QTRT2: variants seen among roughly 807,000 people sequenced by gnomAD.
The protein encoded by QTRT2 is queuine tRNA-ribosyltransferase accessory subunit 2.
Under a neutral mutation model 44.8 loss-of-function variants are expected in QTRT2, and 32 were observed. That is an observed-to-expected ratio of 0.71 (90% CI 0.54 to 0.96). QTRT2 has a LOEUF of 0.96. Among genes scored for constraint, QTRT2 ranks in the 40% least tolerant of loss-of-function variants. QTRT2 has a pLI of 0.00. For synonymous variants in QTRT2, 182 were observed against 187.4 expected, an observed-to-expected ratio of 0.97 and a Z score of 0.24; for missense variants, 461 against 503.1, an observed-to-expected ratio of 0.92 and a Z score of 0.80.
At chr3:114,072,675 A>G (rs1320951780) in intron 6 of QTRT2, among the ~76,000 whole-genome samples, 1 of 152,162 alleles carries the variant, frequency 6.6e-6, no homozygotes, top group Non-Finnish European at 1.5e-5. Context: ...ATGCCCTTCA[A>G]TATTGAAGCT....
In QTRT2 at chr3:114,056,818, A is replaced by T; in HGVS notation, c.-176A>T. ...CAACACGTGGTAGTGAACTGTGAGG[A>T]GTTTGAGGGGTCTGAAGACTGAAAG... is the stretch of plus-strand genomic sequence containing the variant. On this transcript the variant is annotated 5_prime_UTR_variant, in exon 1 of 10. Transcript: ENST00000281273. 6.5e-7 allele frequency: 1 copy of T among 1,534,592 alleles called. No individual in the cohort carries two copies. Among genetic ancestry groups the T allele is most frequent in the Non-Finnish European group, 8.7e-7 (1 of 1,146,234 alleles).
At position 114,088,375 on chromosome 3, in the gene QTRT2, TGTA is replaced by T. The variant is rs760881512; in HGVS notation, c.*2476_*2478del. Reference sequence around the variant, plus strand: ...TTTACTGTGTTTGGCTTTCTGTAAATGTAGTAGGTCTGTTAAACAAAATATTAA... The same window carrying T: ...TTTACTGTGTTTGGCTTTCTGTAAATGTAGGTCTGTTAAACAAAATATTAA... On this transcript the variant is annotated 3_prime_UTR_variant, in exon 10 of 10. Transcript: ENST00000281273. 1 of 152,210 alleles carries T rather than the reference TGTA, an allele frequency of 6.6e-6. No individual in the cohort carries two copies. The highest frequency in any genetic ancestry group is 1.5e-5 in the Non-Finnish European group (1 of 68,036). 9.4% of individuals were successfully genotyped at this position (152,210 alleles called of 1,614,324 possible). A position where few individuals can be genotyped will look rare whatever the true frequency, so the allele number is the denominator to read the frequency against.
At chr3:114,066,453 G>A (rs1056930185) in intron 4 of QTRT2, 170 bp downstream of exon 4, 22 of 564,232 alleles carry the variant, frequency 3.9e-5, no homozygotes, top group Non-Finnish European at 7.1e-5. Context: ...ATAGGAAACA[G>A]TTGCTGCTCT....
intron 6 of QTRT2, among the ~76,000 whole-genome samples, chr3:114,075,254 C>T (rs921214833): frequency 2.6e-5 from 4 of 152,092 alleles, no homozygotes; most frequent in Non-Finnish European, 4.4e-5. Context: ...AATGGTATCT[C>T]GTTGTTTCCA....
chr3:114,060,112 T>G (rs2076861977), intron 2 of QTRT2, among the ~76,000 whole-genome samples: 1 of 151,028 alleles, frequency 6.6e-6, no homozygotes. Flanking sequence ...GAGGAAAGAG[T>G]GGGAAGGGGA....
intron 6 of QTRT2, among the ~76,000 whole-genome samples, chr3:114,073,860 C>T (rs1336295716): frequency 6.6e-6 from 1 of 152,180 alleles, no homozygotes; most frequent in Non-Finnish European, 1.5e-5. Context: ...TATAAGCAGG[C>T]AGGCCTATGT....
At position 114,087,152 on chromosome 3, in the gene QTRT2, C is replaced by T. The variant is rs1266369042; in HGVS notation, c.*1248C>T. 2 of 152,106 alleles carry T rather than the reference C, an allele frequency of 1.3e-5. No individual in the cohort carries two copies. The highest frequency in any genetic ancestry group is 3.9e-4 in the East Asian group (2 of 5,190). The allele number at this position is 152,106 out of a possible 1,614,324, so 9.4% of individuals were successfully genotyped here. A position where few individuals can be genotyped will look rare whatever the true frequency, so the allele number is the denominator to read the frequency against. On this transcript the variant is annotated 3_prime_UTR_variant, in exon 10 of 10. Transcript: ENST00000281273. Reference sequence around the variant, plus strand: ...CACACCATAGTTTTTATACAAACAGCAATAACAAAACCAAAAAGATGCCCC... The same window carrying T: ...CACACCATAGTTTTTATACAAACAGTAATAACAAAACCAAAAAGATGCCCC...
At chr3:114,068,294 A>T (rs2076980785) in intron 5 of QTRT2, 1 of 410,444 alleles carries the variant, frequency 2.4e-6, no homozygotes, top group Non-Finnish European at 4.5e-6. Flanking sequence ...TTGCAAAAAA[A>T]TTTGAGGGTA....
intron 2 of QTRT2, among the ~76,000 whole-genome samples, chr3:114,063,835 TTAAC>T (rs1431559616): frequency 2.0e-5 from 3 of 152,188 alleles, no homozygotes; most frequent in African/African-American, 7.2e-5. Flanking sequence ...TTGAATATAT[TTAAC>T]TAATGATAGA....
At chr3:114,069,885 A>G (rs566619426) in intron 5 of QTRT2, among the ~76,000 whole-genome samples, 121 of 152,330 alleles carry the variant, frequency 7.9e-4, no homozygotes, top group African/African-American at 2.7e-3. Context: ...CAGTCTAGTA[A>G]ACACTAGATA....
chr3:114,084,471 G>A lies in QTRT2; in HGVS notation c.1017-1202G>A, dbSNP rs113265744. On this transcript the variant is annotated intron_variant, in intron 9 of 9. Transcript: ENST00000281273. ...TGTCTCTAAAACAGATTATCTGGGC[G>A]TGGTGGGAAGCTGAGGTGGGAGGTT... Among the ~76,000 whole-genome samples, 154 of 152,076 alleles carry A rather than the reference G, an allele frequency of 1.0e-3. 1 individual carries two copies. The highest frequency in any genetic ancestry group is 3.4e-3 in the African/African-American group (139 of 41,474).
At chr3:114,057,164 C>A in intron 2 of QTRT2, 58 bp downstream of exon 2, 1 of 930,698 alleles carries the variant, frequency 1.1e-6, no homozygotes, top group Non-Finnish European at 1.4e-6. Context: ...GGACCGTCTT[C>A]AATCTCTGAG....
intron 3 of QTRT2, 45 bp downstream of exon 3, chr3:114,065,502 C>T (rs1348704946): frequency 7.0e-7 from 1 of 1,425,486 alleles, no homozygotes; most frequent in Non-Finnish European, 9.8e-7. Flanking sequence ...GTGGCAGCAG[C>T]TTAGTTACCT....
intron 2 of QTRT2, among the ~76,000 whole-genome samples, chr3:114,061,817 A>AT (rs2076889886): frequency 1.3e-5 from 2 of 152,110 alleles, no homozygotes. Context: ...GGCTCAAGCG[A>AT]TCTGCCCACC....
intron 5 of QTRT2, among the ~76,000 whole-genome samples, chr3:114,069,268 G>A (rs185959517): frequency 6.6e-6 from 1 of 152,030 alleles, no homozygotes; most frequent in East Asian, 1.9e-4. Flanking sequence ...TTTTGTTTCG[G>A]GGGTACGTGT....
At chr3:114,074,947 G>A (rs1462283320) in intron 6 of QTRT2, among the ~76,000 whole-genome samples, 2 of 152,142 alleles carry the variant, frequency 1.3e-5, no homozygotes, top group African/African-American at 4.8e-5. Flanking sequence ...ATCTACGTAA[G>A]CCTTTACTCT....
chr3:114,064,011 T>A (rs2076920553), intron 2 of QTRT2, among the ~76,000 whole-genome samples: 1 of 152,050 alleles, frequency 6.6e-6, no homozygotes, highest in South Asian at 2.1e-4. Flanking sequence ...GGTCAGGAGT[T>A]CGAGACCAGC....
intron 6 of QTRT2, among the ~76,000 whole-genome samples, chr3:114,074,750 C>A (rs6438182): frequency 0.047 from 7,211 of 152,252 alleles, 543 homozygotes; most frequent in African/African-American, 0.17. Context: ...TTTGCAATTA[C>A]ATACACATAA....
intron 2 of QTRT2, among the ~76,000 whole-genome samples, chr3:114,060,911 C>T (rs757094880): frequency 6.6e-5 from 10 of 152,050 alleles, no homozygotes; most frequent in Non-Finnish European, 1.3e-4. Flanking sequence ...AACTAAGGGG[C>T]GAGTGGCGTC....
Sources: allele counts gnomAD v4.1 joint callset (sites outside exome capture counted in the v4.1 genomes callset), GRCh38; gene constraint gnomAD v4.1.1; transcripts MANE v1.5; gene names NCBI Gene and HGNC (gene_info 2026-07-23, HGNC 2026-07-21).